Variants in CNTNAP2 observed in about 807,000 individuals in gnomAD.
The protein encoded by CNTNAP2 is contactin associated protein 2.
In CNTNAP2, 98 loss-of-function variants were observed where a neutral mutation model predicts 155.2. That is an observed-to-expected ratio of 0.63 (90% CI 0.54 to 0.75). CNTNAP2 has a LOEUF of 0.75. CNTNAP2 is among the 30% of genes least tolerant of loss of function. The probability of loss-of-function intolerance (pLI) is 0.00; values close to 1 mark genes in which losing one functional copy is unlikely to be tolerated. For synonymous variants in CNTNAP2, 651 were observed against 631.2 expected, an observed-to-expected ratio of 1.03 and a Z score of -0.47; for missense variants, 1,727 against 1,688.1, an observed-to-expected ratio of 1.02 and a Z score of -0.40.
chr7:147,783,348 A>C (rs1797686949), intron 13 of CNTNAP2, among the ~76,000 whole-genome samples: 1 of 152,144 alleles, frequency 6.6e-6, no homozygotes. Flanking sequence ...GCACATTTTA[A>C]GTTTTCCATT....
chr7:146,271,482 A>G (rs948429482), intron 1 of CNTNAP2, among the ~76,000 whole-genome samples: 2 of 152,012 alleles, frequency 1.3e-5, no homozygotes, highest in Non-Finnish European at 2.9e-5. Flanking sequence ...AATAAAAAGT[A>G]TAAAATAATC....
intron 1 of CNTNAP2, among the ~76,000 whole-genome samples, chr7:146,725,211 G>C (rs377310710): frequency 6.6e-5 from 10 of 152,226 alleles, no homozygotes; most frequent in African/African-American, 2.4e-4. Flanking sequence ...ATTAGGGTCT[G>C]CCCGAATCCA....
At chr7:148,299,279 C>A (rs994322429) in intron 21 of CNTNAP2, among the ~76,000 whole-genome samples, 1 of 152,120 alleles carries the variant, frequency 6.6e-6, no homozygotes, top group Non-Finnish European at 1.5e-5. Context: ...TGTGAGCCAC[C>A]ACACCCGGCC....
intron 3 of CNTNAP2, among the ~76,000 whole-genome samples, chr7:146,921,539 C>G (rs1266620583): frequency 6.6e-6 from 1 of 151,990 alleles, no homozygotes; most frequent in Non-Finnish European, 1.5e-5. Context: ...CTGGGGAGGC[C>G]TCATAATCAT....
intron 1 of CNTNAP2, among the ~76,000 whole-genome samples, chr7:146,496,132 T>G (rs1797211577): frequency 6.6e-6 from 1 of 152,170 alleles, no homozygotes. Flanking sequence ...CAAGTGTATT[T>G]GTAACCCATG....
intron 10 of CNTNAP2, among the ~76,000 whole-genome samples, chr7:147,439,841 G>C (rs1331868902): frequency 1.3e-5 from 2 of 151,756 alleles, no homozygotes; most frequent in Non-Finnish European, 3.0e-5. Context: ...AATGACCTTT[G>C]TTTCTTATAG....
At chr7:148,226,150 C>G (rs774039817) in intron 19 of CNTNAP2, among the ~76,000 whole-genome samples, 18 of 151,930 alleles carry the variant, frequency 1.2e-4, no homozygotes, top group Non-Finnish European at 2.6e-4. Context: ...ACTGGAATAT[C>G]ATTTTGAAGA....
intron 1 of CNTNAP2, among the ~76,000 whole-genome samples, chr7:146,151,939 GA>G (rs1584774805): frequency 6.6e-6 from 1 of 151,170 alleles, no homozygotes; most frequent in East Asian, 2.0e-4. Context: ...CTCAGCCATT[GA>G]GGGAAACAGT....
chr7:146,118,898 G>T (rs1276579929), intron 1 of CNTNAP2, among the ~76,000 whole-genome samples: 1 of 151,762 alleles, frequency 6.6e-6, no homozygotes, highest in African/African-American at 2.4e-5. Context: ...TTTTTATTTC[G>T]TTTGAATTTA....
intron 1 of CNTNAP2, among the ~76,000 whole-genome samples, chr7:146,420,488 A>G (rs1795994642): frequency 6.6e-6 from 1 of 152,076 alleles, no homozygotes; most frequent in Non-Finnish European, 1.5e-5. Flanking sequence ...TTAAGATTCT[A>G]TTATTGAGAT....
chr7:147,453,011 GAAAAAAGAGAAAGGGA>G (rs1390562902), intron 10 of CNTNAP2, among the ~76,000 whole-genome samples: 1 of 151,060 alleles, frequency 6.6e-6, no homozygotes, highest in Non-Finnish European at 1.5e-5. Context: ...GAGAAAGGAA[GAAAAAAGAGAAAGGGA>G]AAAAGAGAGA....
intron 1 of CNTNAP2, among the ~76,000 whole-genome samples, chr7:146,170,008 C>T (rs61227097): frequency 0.033 from 4,927 of 147,624 alleles, 276 homozygotes; most frequent in African/African-American, 0.12. Context: ...ATCTAGACTT[C>T]CTTTCTTTTC....
intron 1 of CNTNAP2, among the ~76,000 whole-genome samples, chr7:146,153,529 A>G (rs950677668): frequency 2.6e-5 from 4 of 152,158 alleles, no homozygotes; most frequent in Admixed American, 2.6e-4. Context: ...GGCTTACAAA[A>G]CCACTAGTGG....
intron 3 of CNTNAP2, among the ~76,000 whole-genome samples, chr7:147,008,996 T>C (rs1772847254): frequency 6.6e-6 from 1 of 151,522 alleles, no homozygotes; most frequent in East Asian, 1.9e-4. Flanking sequence ...AAGTTCAAAA[T>C]ATTTTTAATG....
At chr7:148,362,309 C>G (rs941147395) in intron 21 of CNTNAP2, among the ~76,000 whole-genome samples, 5 of 152,158 alleles carry the variant, frequency 3.3e-5, no homozygotes, top group African/African-American at 1.2e-4. Context: ...CCAGGTCCCT[C>G]CCTTGACATG....
chr7:147,777,455 A>G (rs911434106), intron 13 of CNTNAP2, among the ~76,000 whole-genome samples: 1 of 152,164 alleles, frequency 6.6e-6, no homozygotes, highest in African/African-American at 2.4e-5. Context: ...TGTCATCTCT[A>G]CAGAACGGCC....
intron 1 of CNTNAP2, among the ~76,000 whole-genome samples, chr7:146,599,588 G>A (rs1798915241): frequency 6.9e-6 from 1 of 145,562 alleles, no homozygotes; most frequent in Non-Finnish European, 1.5e-5. Flanking sequence ...CTTTTTCCCC[G>A]CCGCCCATAA....
chr7:147,111,049 CT>C (rs1204414257), intron 5 of CNTNAP2, among the ~76,000 whole-genome samples: 5 of 152,084 alleles, frequency 3.3e-5, no homozygotes, highest in Non-Finnish European at 7.4e-5. Flanking sequence ...TGTTTTTTGA[CT>C]TTTTAATAAT....
At chr7:148,105,173 G>A (rs1041835770) in intron 15 of CNTNAP2, among the ~76,000 whole-genome samples, 1 of 152,178 alleles carries the variant, frequency 6.6e-6, no homozygotes, top group Admixed American at 6.5e-5. Context: ...AGGAGGACAG[G>A]GAAATAGTAC....
Sources: gnomAD v4.1 joint callset for allele counts (sites outside exome capture counted in the v4.1 genomes callset) on GRCh38, gnomAD v4.1.1 for gene constraint, MANE v1.5 for transcripts, NCBI Gene and HGNC (gene_info 2026-07-23, HGNC 2026-07-21) for gene names.